CLASP1: variants seen among roughly 807,000 people sequenced by gnomAD.
CLASP1 encodes the protein cytoplasmic linker associated protein 1.
CLASP1 carries 38 observed loss-of-function variants against 192.3 expected under a neutral mutation model. That is an observed-to-expected ratio of 0.20 (90% CI 0.15 to 0.26). The LOEUF (loss-of-function observed/expected upper bound fraction) is 0.26, where lower values mean the gene tolerates loss of function less well. Ranked by LOEUF, CLASP1 falls within the 10% of genes least tolerant of loss-of-function variation. CLASP1 has a pLI of 1.00. For synonymous variants in CLASP1, 691 were observed against 712.8 expected (o/e 0.97, Z 0.49); for missense variants, 1,433 against 1,932.5 (o/e 0.74, Z 4.85).
At chr2:121,440,848 A>G (rs2083215882) in intron 19 of CLASP1, among the ~76,000 whole-genome samples, 1 of 151,904 alleles carries the variant, frequency 6.6e-6, no homozygotes, top group Non-Finnish European at 1.5e-5. Context: ...AAAGAACTGT[A>G]CAACAAAAAT....
chr2:121,397,424 C>T (rs925848017), intron 29 of CLASP1, 141 bp from the exon 31 acceptor site: 1 of 692,966 alleles, frequency 1.4e-6, no homozygotes, highest in South Asian at 1.9e-5. Flanking sequence ...CCACGTGGAG[C>T]GACATCCAAC....
intron 2 of CLASP1, among the ~76,000 whole-genome samples, chr2:121,599,114 C>T (rs1004715191): frequency 2.0e-5 from 3 of 151,858 alleles, no homozygotes; most frequent in Non-Finnish European, 4.4e-5. Context: ...CCGCCCACCT[C>T]GGCCTCCCAA....
At position 121,601,163 on chromosome 2, in the gene CLASP1, G is replaced by T. The variant is rs112327881; in HGVS notation, c.195+4538C>A. 6.3e-3 allele frequency among the ~76,000 whole-genome samples: 961 copies of T among 152,096 alleles called. 12 individuals are homozygous for T. Among genetic ancestry groups the T allele is most frequent in the African/African-American group, 0.022 (918 of 41,506 alleles). On this transcript the variant is annotated intron_variant, in intron 2 of 39. Transcript: ENST00000263710. The stretch of plus-strand genomic sequence containing the variant: ...TCAGAAGCATCCTAATATGCACATA[G>T]AAAAAGTGGTGGAGTTGTGACCCAA...
intron 2 of CLASP1, among the ~76,000 whole-genome samples, chr2:121,531,523 G>T (rs1575735851): frequency 6.6e-6 from 1 of 150,846 alleles, no homozygotes; most frequent in African/African-American, 2.4e-5. Context: ...TGAATCCGGG[G>T]GGGTGGAGCC....
chr2:121,525,970 G>A (rs773959876), intron 5 of CLASP1, 50 bp from the exon 6 acceptor site: 2 of 1,388,602 alleles, frequency 1.4e-6, no homozygotes, highest in South Asian at 1.2e-5. Context: ...AGGAAAGAAA[G>A]AAAGATGCCT....
Position 121,382,336 on chromosome 2 carries a change from A to G in CLASP1, c.3375-12T>C. The G allele has an allele frequency of 6.7e-7, 1 of 1,499,134 alleles. No homozygotes were observed. The highest frequency in any genetic ancestry group is 9.0e-7 in the Non-Finnish European group (1 of 1,116,546). 92.9% of individuals were successfully genotyped at this position (1,499,134 alleles called of 1,614,324 possible). ...AACCCCATAACCGACTGCAGTGATC[A>G]GAAGAGGAAAATCAGAGAGAGAAAT... On this transcript the variant is annotated splice_polypyrimidine_tract_variant and intron_variant, in intron 32 of 39. Transcript: ENST00000263710.
At position 121,559,369 on chromosome 2, in the gene CLASP1, A is replaced by C. The variant is rs10181612; in HGVS notation, c.196-29044T>G. Among the ~76,000 whole-genome samples the C allele has an allele frequency of 9.8e-3, 1,490 of 152,354 alleles. 27 individuals carry two copies. Among genetic ancestry groups the C allele is most frequent in the African/African-American group, 0.033 (1,385 of 41,582 alleles). ...AGGTATATACCCAAGAGATTTAAAA[A>C]TCTACATCCACACAAAAACATGAAT... On this transcript the variant is annotated intron_variant, in intron 2 of 39. Coordinates refer to ENST00000263710, the Ensembl canonical transcript of CLASP1.
chr2:121,393,958 G>T (rs1429686370), intron 30 of CLASP1, among the ~76,000 whole-genome samples: 1 of 151,796 alleles, frequency 6.6e-6, no homozygotes, highest in Non-Finnish European at 1.5e-5. Flanking sequence ...TGCATAGATA[G>T]GTAAAAAAGC....
chr2:121,473,776 C>A (rs2091177753), intron 8 of CLASP1, among the ~76,000 whole-genome samples: 1 of 152,182 alleles, frequency 6.6e-6, no homozygotes, highest in Non-Finnish European at 1.5e-5. Flanking sequence ...TCATCAGAAA[C>A]CCTGCCAGCC....
At chr2:121,419,978 T>A (rs79330416) in intron 22 of CLASP1, among the ~76,000 whole-genome samples, 5,629 of 152,142 alleles carry the variant, frequency 0.037, 155 homozygotes, top group East Asian at 0.14. Flanking sequence ...CAAGAATGTC[T>A]TATAAACCAG....
Position 121,641,176 on chromosome 2 carries a change from C to A in CLASP1, c.-286+8196G>T, listed in dbSNP as rs186703464. 1.7e-4 allele frequency among the ~76,000 whole-genome samples: 26 copies of A among 152,288 alleles called. No individual in the cohort carries two copies. In the East Asian group the frequency reaches 5.0e-3, roughly 29 times the overall value. The stretch of plus-strand genomic sequence containing the variant: ...TGCTACACAATTCATTTTCTCTATA[C>A]AACAGGCCTCTGTTAGCATGTCCGG... On this transcript the variant is annotated intron_variant, in intron 1 of 39. Coordinates refer to ENST00000263710, the Ensembl canonical transcript of CLASP1.
In CLASP1 at chr2:121,531,019, T is replaced by G. The variant is rs771648555; in HGVS notation, c.196-694A>C. 69 of 700,100 alleles carry G rather than the reference T, an allele frequency of 9.9e-5. 1 individual carries two copies. The South Asian group carries it at 9.9e-4, about 10-fold the overall frequency. The allele number at this position is 700,100 out of a possible 1,614,324, so 43.4% of individuals were successfully genotyped here. ...CAATTTTTGGAAAAATGAAAACCTG[T>G]TTTCATAGACTTATCAGTTCAAACA... On this transcript the variant is annotated intron_variant, in intron 2 of 39. Coordinates refer to ENST00000263710, the Ensembl canonical transcript of CLASP1.
intron 1 of CLASP1, among the ~76,000 whole-genome samples, chr2:121,620,022 G>A (rs906619073): frequency 6.6e-6 from 1 of 152,054 alleles, no homozygotes; most frequent in African/African-American, 2.4e-5. Context: ...AGGAGTTCAA[G>A]ACCAGTCTGG....
rs73950985 is a variant in CLASP1, at chr2:121,531,016, C to G, written c.196-691G>C. ...GTGCAATTTTTGGAAAAATGAAAACCTGTTTTCATAGACTTATCAGTTCAA... is the reference window on the plus strand; with the variant it reads ...GTGCAATTTTTGGAAAAATGAAAACGTGTTTTCATAGACTTATCAGTTCAA... On this transcript the variant is annotated intron_variant, in intron 2 of 39. Coordinates refer to ENST00000263710, the Ensembl canonical transcript of CLASP1. 1.1e-3 allele frequency: 775 copies of G among 700,028 alleles called. 4 individuals are homozygous for G. In the African/African-American group the frequency reaches 0.011, roughly 10 times the overall value. The allele number at this position is 700,028 out of a possible 1,614,324, so 43.4% of individuals were successfully genotyped here. A position where few individuals can be genotyped will look rare whatever the true frequency, so the allele number is the denominator to read the frequency against.
chr2:121,528,644 C>T, intron 4 of CLASP1, 33 bp downstream of exon 4: 1 of 1,582,006 alleles, frequency 6.3e-7, no homozygotes, highest in Non-Finnish European at 8.7e-7. Flanking sequence ...GCGCACTGGC[C>T]AGCTGACCTC....
At chr2:121,478,750 ACCACACACACACCACACACC>A (rs1559366505) in intron 8 of CLASP1, among the ~76,000 whole-genome samples, 2 of 59,496 alleles carry the variant, frequency 3.4e-5, no homozygotes, top group Admixed American at 1.9e-4. Context: ...CCCCACACAC[ACCACACACACACCACACACC>A]CCACACACAC....
At chr2:121,557,095 A>C (rs1029050124) in intron 2 of CLASP1, among the ~76,000 whole-genome samples, 4 of 152,220 alleles carry the variant, frequency 2.6e-5, no homozygotes, top group African/African-American at 9.6e-5. Context: ...CCTATTTTGC[A>C]GTGCTGCTCA....
intron 2 of CLASP1, among the ~76,000 whole-genome samples, chr2:121,531,314 G>C (rs1280442854): frequency 6.6e-6 from 1 of 152,202 alleles, no homozygotes; most frequent in Non-Finnish European, 1.5e-5. Context: ...ATGTAATCCA[G>C]GTCGGGCGCG....
At chr2:121,401,612 G>C (rs2076160709) in exon 28 of CLASP1, 2 of 1,612,100 alleles carry the variant, frequency 1.2e-6, no homozygotes, top group Non-Finnish European at 1.7e-6. Flanking sequence ...AGCCAGTCTT[G>C]TAAATCATCC....
Sources: gnomAD v4.1 joint callset for allele counts (sites outside exome capture counted in the v4.1 genomes callset) on GRCh38, gnomAD v4.1.1 for gene constraint, MANE v1.5 for transcripts, NCBI Gene and HGNC (gene_info 2026-07-23, HGNC 2026-07-21) for gene names.